The following CEP135 variants were observed in gnomAD, a reference collection of about 807,000 sequenced individuals.
CEP135 encodes the protein centrosomal protein of 135 kDa.
CEP135 carries 142 observed loss-of-function variants against 157.3 expected under a neutral mutation model. The observed-to-expected ratio is 0.90, with a 90% CI of 0.79 to 1.04. The LOEUF (loss-of-function observed/expected upper bound fraction) is 1.04. Among genes scored for constraint, CEP135 ranks in the 50% least tolerant of loss-of-function variants. The probability of loss-of-function intolerance (pLI) is 0.00; values close to 1 mark genes in which losing one functional copy is unlikely to be tolerated. For missense variants in CEP135, 1,317 were observed against 1,309.2 expected, an observed-to-expected ratio of 1.01 and a Z score of -0.09; for synonymous variants, 396 against 439.8, an observed-to-expected ratio of 0.90 and a Z score of 1.25.
chr4:55,996,922 A>G (rs547495816), intron 15 of CEP135, among the ~76,000 whole-genome samples: 43 of 152,330 alleles, frequency 2.8e-4, no homozygotes, highest in African/African-American at 9.4e-4. Flanking sequence ...ATGTAATACA[A>G]TATAACTGAG....
intron 19 of CEP135, among the ~76,000 whole-genome samples, chr4:56,010,346 A>T (rs1241923480): frequency 7.3e-6 from 1 of 137,340 alleles, no homozygotes; most frequent in South Asian, 2.4e-4. Context: ...TGGGCAACAG[A>T]GTGAGACTCC....
At chr4:56,029,920 C>G (rs949178984) in intron 25 of CEP135, among the ~76,000 whole-genome samples, 3 of 152,114 alleles carry the variant, frequency 2.0e-5, no homozygotes, top group Admixed American at 6.5e-5. Flanking sequence ...CTGTTCACTG[C>G]TATAGACTTT....
chr4:55,952,438 T>C, intron 2 of CEP135, 195 bp downstream of exon 2: 1 of 412,566 alleles, frequency 2.4e-6, no homozygotes, highest in South Asian at 6.9e-5. Flanking sequence ...ACTCACGCTG[T>C]ACTGTTCAAA....
At chr4:55,961,967 A>T (rs1302484392) in intron 6 of CEP135, among the ~76,000 whole-genome samples, 5 of 151,742 alleles carry the variant, frequency 3.3e-5, no homozygotes, top group Middle Eastern at 3.2e-3. Flanking sequence ...TTAGGACCTT[A>T]CTTTAATCAA....
Position 55,971,374 on chromosome 4 carries a change from A to G in CEP135, c.1215A>G (p.Arg405=), listed in dbSNP as rs1424765469. 22 of 1,598,912 alleles carry G rather than the reference A, an allele frequency of 1.4e-5. No homozygotes were observed. The highest frequency in any genetic ancestry group is 7.1e-5 in the Admixed American group (4 of 56,272). ...VVHQLEQEKQ[R]LSKKVESFAV... Reference sequence around the variant, plus strand: ...ATCAGCTTGAACAAGAAAAGCAAAGACTTAGCAAAAAAGTTGAAAGTTTTG... The same window carrying G: ...ATCAGCTTGAACAAGAAAAGCAAAGGCTTAGCAAAAAAGTTGAAAGTTTTG... Residue 405 remains arginine (R), a synonymous_variant, in exon 10 of 26, where the codon AGA becomes AGG. Coordinates refer to ENST00000257287, the MANE Select transcript of CEP135 (RefSeq NM_025009.5).
chr4:55,957,380 C>G lies in CEP135; in HGVS notation c.614+16C>G. 2 of 1,603,360 alleles carry G rather than the reference C, an allele frequency of 1.2e-6. No homozygotes were observed. Among genetic ancestry groups the G allele is most frequent in the Non-Finnish European group, 1.7e-6 (2 of 1,177,070 alleles). ...CTGATAACAGGTGCATTAAATAATT[C>G]TTTCTTGGCTTGAGTTAATTGAGCA... On this transcript the variant is annotated intron_variant, in intron 5 of 25. Transcript: ENST00000257287.
At chr4:55,989,955 G>A (rs993160144) in intron 14 of CEP135, among the ~76,000 whole-genome samples, 2 of 152,144 alleles carry the variant, frequency 1.3e-5, no homozygotes, top group African/African-American at 4.8e-5. Flanking sequence ...GATCCCCAGG[G>A]CAAATGCAGC....
chr4:56,014,337 A>G (rs1307639941), intron 21 of CEP135, among the ~76,000 whole-genome samples: 1 of 152,226 alleles, frequency 6.6e-6, no homozygotes, highest in Non-Finnish European at 1.5e-5. Flanking sequence ...GAAAAAGCCC[A>G]GATTGCCTTG....
intron 3 of CEP135, among the ~76,000 whole-genome samples, 176 bp from the exon 4 acceptor site, chr4:55,954,040 A>T (rs1046763340): frequency 1.3e-5 from 2 of 152,208 alleles, no homozygotes; most frequent in Middle Eastern, 3.2e-3. Context: ...GTGCTTAGTG[A>T]GTTATTTGCA....
chr4:56,031,361 A>G lies in CEP135; in HGVS notation c.*13A>G, dbSNP rs1731343804. Reference sequence around the variant, plus strand: ...ACCTTTCAATTTCCTCCCTTTCAGAATAATGGCTTTCAATGAGTTCCTATG... The same window carrying G: ...ACCTTTCAATTTCCTCCCTTTCAGAGTAATGGCTTTCAATGAGTTCCTATG... On this transcript the variant is annotated splice_region_variant and 3_prime_UTR_variant, in exon 26 of 26. Transcript: ENST00000257287. 2 of 152,706 alleles carry G rather than the reference A, an allele frequency of 1.3e-5. No individual in the cohort carries two copies. The highest frequency in any genetic ancestry group is 1.9e-4 in the East Asian group (1 of 5,184). 9.5% of individuals were successfully genotyped at this position (152,706 alleles called of 1,614,324 possible). A position where few individuals can be genotyped will look rare whatever the true frequency, so the allele number is the denominator to read the frequency against.
intron 15 of CEP135, 94 bp from the exon 16 acceptor site, chr4:55,999,208 A>G: frequency 1.1e-6 from 1 of 930,304 alleles, no homozygotes; most frequent in Non-Finnish European, 1.6e-6. Context: ...CTTTAAAAAT[A>G]AGACATCAAA....
At position 56,011,940 on chromosome 4, in the gene CEP135, A is replaced by T. The variant is rs745891621; in HGVS notation, c.2757A>T (p.Arg919Ser). 1.3e-6 allele frequency: 2 copies of T among 1,583,558 alleles called. No homozygotes were observed. Among genetic ancestry groups the T allele is most frequent in the South Asian group, 1.2e-5 (1 of 85,374 alleles). ...TTCTTTCTATTGACACTGAGAGGAG[A>T]CATCTTCGAGAAAGAGTGGAGCTAT... ...LELLSIDTERRHLRERVELLE... is the reference protein window; with the variant it reads ...LELLSIDTERSHLRERVELLE... The change falls in exon 21 of 26, where the codon AGA becomes AGT. Residue 919 changes from arginine to serine, a missense_variant. By Grantham distance (110) the Arg-to-Ser change is moderately radical. Transcript: ENST00000257287.
chr4:56,018,925 G>A (rs577525236), intron 22 of CEP135, among the ~76,000 whole-genome samples: 1 of 152,216 alleles, frequency 6.6e-6, no homozygotes, highest in African/African-American at 2.4e-5. Flanking sequence ...ATAACCTAGT[G>A]TTTGTTTTCA....
At chr4:55,964,437 A>G (rs1728781220) in intron 7 of CEP135, 35 bp downstream of exon 7, 4 of 1,528,902 alleles carry the variant, frequency 2.6e-6, no homozygotes, top group African/African-American at 2.8e-5. Context: ...CTGAGTGTAT[A>G]TAATGGTGTT....
At chr4:55,980,060 C>CA in intron 11 of CEP135, 83 bp from the exon 12 acceptor site, 1 of 1,107,602 alleles carries the variant, frequency 9.0e-7, no homozygotes, top group Non-Finnish European at 1.3e-6. Context: ...TGTCTGGTAG[C>CA]ATCTTTCAGT....
Position 55,974,900 on chromosome 4 carries a change from AC to A in CEP135, c.1405del (p.Gln469SerfsTer44). The A allele has an allele frequency of 6.2e-7, 1 of 1,613,586 alleles. No individual in the cohort carries two copies. Among genetic ancestry groups the A allele is most frequent in the Non-Finnish European group, 8.5e-7 (1 of 1,179,726 alleles). The part of the protein sequence containing the change: ...KELERLQHII[Q>X]RRSCSTSYSA... ...AGCTAGAGAGACTCCAACATATAATACAGCGAAGATCTTGCTCTACAAGTTA... is the reference window on the plus strand; with the variant it reads ...AGCTAGAGAGACTCCAACATATAATAAGCGAAGATCTTGCTCTACAAGTTA... On this transcript the variant is annotated frameshift_variant, in exon 11 of 26. Transcript: ENST00000257287. LOFTEE classifies it high-confidence loss of function.
At chr4:55,979,797 A>G (rs1390695327) in intron 11 of CEP135, among the ~76,000 whole-genome samples, 1 of 152,184 alleles carries the variant, frequency 6.6e-6, no homozygotes, top group East Asian at 1.9e-4. Context: ...ATGTCTGACA[A>G]GCTTTTAGAT....
chr4:55,980,198 G>A lies in CEP135; in HGVS notation c.1529G>A (p.Arg510His), dbSNP rs376581153. Residue 510 changes from arginine (R) to histidine (H), a missense_variant, in exon 12 of 26, where the codon CGT (arginine) becomes CAT (histidine). Transcript: ENST00000257287. ...ACAAGAGAAAGAGATGAACTTCAGC[G>A]TATGCTAGAAAGATTTGAAAAATAT... ...QITRERDELQ[R>H]MLERFEKYME... The A allele has an allele frequency of 2.0e-5, 32 of 1,609,498 alleles. No homozygotes were observed. Among genetic ancestry groups the A allele is most frequent in the Middle Eastern group, 1.7e-4 (1 of 6,060 alleles).
chr4:55,970,474 G>A (rs775988438), intron 9 of CEP135, among the ~76,000 whole-genome samples: 172 of 152,164 alleles, frequency 1.1e-3, no homozygotes, highest in Middle Eastern at 3.2e-3. Context: ...CTTTCATTAT[G>A]TATACTTTTT....
Sources: gnomAD v4.1 joint callset for allele counts (sites outside exome capture counted in the v4.1 genomes callset) on GRCh38, gnomAD v4.1.1 for gene constraint, MANE v1.5 for transcripts, NCBI Gene and HGNC (gene_info 2026-07-23, HGNC 2026-07-21) for gene names.